The following NLRP5 variants were observed in gnomAD, a reference collection of about 807,000 sequenced individuals.
The protein encoded by NLRP5 is NLR family pyrin domain containing 5.
NLRP5 carries 93 observed loss-of-function variants against 113.1 expected under a neutral mutation model. The observed-to-expected ratio is 0.82, with a 90% CI of 0.70 to 0.98. The LOEUF is 0.98. NLRP5 is among the 50% of genes least tolerant of loss of function. The pLI, the probability that NLRP5 is intolerant of heterozygous loss-of-function variation, is 0.00. For missense variants in NLRP5, 1,808 were observed against 1,514.3 expected (o/e 1.19, Z -3.22); for synonymous variants, 751 against 600.7 (o/e 1.25, Z -3.66).
chr19:56,045,116 C>G (rs543042589), intron 11 of NLRP5, among the ~76,000 whole-genome samples: 75 of 152,242 alleles, frequency 4.9e-4, no homozygotes, highest in Non-Finnish European at 9.8e-4. Flanking sequence ...TGGAGGAGTC[C>G]TTAGAGCTTT....
Position 56,032,783 on chromosome 19 carries a change from T to C in NLRP5, c.2447+2T>C, listed in dbSNP as rs748075820. 1.1e-5 allele frequency: 17 copies of C among 1,602,820 alleles called. No individual in the cohort carries two copies. The highest frequency in any genetic ancestry group is 1.4e-5 in the Non-Finnish European group (17 of 1,174,400). On this transcript the variant is annotated splice_donor_variant, in intron 8 of 14. Transcript: ENST00000390649. LOFTEE classifies it high-confidence loss of function. Reference sequence around the variant, plus strand: ...CACCTGCAAGATACAGACCCTGATGTAAGGCTGCCCGCCCCCTACGAGAGA... The same window carrying C: ...CACCTGCAAGATACAGACCCTGATGCAAGGCTGCCCGCCCCCTACGAGAGA...
At chr19:56,040,851 TG>T in intron 10 of NLRP5, 70 bp from the exon 11 acceptor site, 1 of 1,347,228 alleles carries the variant, frequency 7.4e-7, no homozygotes, top group Non-Finnish European at 1.0e-6. Context: ...TTCCCCTCCT[TG>T]TAAAGGAGGG....
chr19:56,060,275 A>G (rs1397403435), intron 14 of NLRP5, among the ~76,000 whole-genome samples: 2 of 151,888 alleles, frequency 1.3e-5, no homozygotes, highest in Non-Finnish European at 2.9e-5. Context: ...GGGCGGTGCT[A>G]TGTATCTATT....
chr19:56,004,391 C>T (rs936211765), intron 2 of NLRP5, among the ~76,000 whole-genome samples: 2 of 152,110 alleles, frequency 1.3e-5, no homozygotes, highest in Admixed American at 1.3e-4. Context: ...TATCACGGGT[C>T]GGTTGTGAGA....
At chr19:56,016,446 C>G (rs1982406430) in intron 4 of NLRP5, among the ~76,000 whole-genome samples, 1 of 152,182 alleles carries the variant, frequency 6.6e-6, no homozygotes, top group Non-Finnish European at 1.5e-5. Flanking sequence ...AGCCACCACA[C>G]CCAGCTGTGC....
At chr19:56,022,381 G>A (rs1982647879) in intron 6 of NLRP5, among the ~76,000 whole-genome samples, 1 of 148,634 alleles carries the variant, frequency 6.7e-6, no homozygotes, top group Non-Finnish European at 1.5e-5. Context: ...ACAACATCTG[G>A]CTAATTTTCA....
At chr19:56,058,050 A>G (rs888488952) in intron 13 of NLRP5, among the ~76,000 whole-genome samples, 190 bp from the exon 14 acceptor site, 1 of 150,312 alleles carries the variant, frequency 6.7e-6, no homozygotes, top group African/African-American at 2.5e-5. Context: ...AAAAAGGCGA[A>G]TATTTGGGTC....
intron 2 of NLRP5, among the ~76,000 whole-genome samples, chr19:56,005,637 CACACA>C (rs1981875237): frequency 2.8e-5 from 4 of 145,092 alleles, no homozygotes; most frequent in Non-Finnish European, 4.5e-5. Flanking sequence ...CACACACACA[CACACA>C]CGCGCGCAGG....
chr19:56,026,527 CAAAAAAAAAAA>C lies in NLRP5; in HGVS notation c.680-374_680-364del, dbSNP rs375845864. Among the ~76,000 whole-genome samples, 14 of 40,354 alleles carry C rather than the reference CAAAAAAAAAAA, an allele frequency of 3.5e-4. 1 individual carries two copies. In the South Asian group the frequency reaches 0.029, roughly 82 times the overall value. 26.5% of individuals were successfully genotyped at this position (40,354 alleles called of 152,430 possible). ...TGGGTGACAGAGCAAGACTCCATCT[CAAAAAAAAAAA>C]AAAAAAAAAAATAGACTGGCTTCAA... On this transcript the variant is annotated intron_variant, in intron 6 of 14. Coordinates refer to ENST00000390649, the MANE Select transcript of NLRP5 (RefSeq NM_153447.4).
the NLRP5 span, among the ~76,000 whole-genome samples, chr19:55,994,449 G>A: frequency 6.6e-6 from 1 of 152,170 alleles, no homozygotes; most frequent in African/African-American, 2.4e-5. Context: ...CCAGGCTGGA[G>A]TGCAGTGGCA....
chr19:56,051,155 A>G (rs1283522280), intron 12 of NLRP5, among the ~76,000 whole-genome samples: 3 of 152,132 alleles, frequency 2.0e-5, no homozygotes, highest in African/African-American at 4.8e-5. Context: ...CATAGTAGTC[A>G]GCACTTAATG....
At chr19:56,053,554 C>G (rs757621256) in intron 12 of NLRP5, 84 bp from the exon 13 acceptor site, 78 of 1,258,982 alleles carry the variant, frequency 6.2e-5, no homozygotes, top group Admixed American at 5.9e-4. Context: ...ATAAAGGAAA[C>G]TCCAGTTAAT....
intron 11 of NLRP5, among the ~76,000 whole-genome samples, chr19:56,041,548 T>G (rs1983522759): frequency 6.6e-6 from 1 of 152,192 alleles, no homozygotes; most frequent in East Asian, 1.9e-4. Flanking sequence ...GCACCGTGAC[T>G]CGTGCCTGAC....
At chr19:56,030,347 G>C (rs1983048801) in intron 7 of NLRP5, among the ~76,000 whole-genome samples, 1 of 152,062 alleles carries the variant, frequency 6.6e-6, no homozygotes, top group Non-Finnish European at 1.5e-5. Flanking sequence ...TCCAACCTGG[G>C]TGACAGAGTG....
At chr19:55,990,450 G>A in the NLRP5 span, among the ~76,000 whole-genome samples, 1 of 152,062 alleles carries the variant, frequency 6.6e-6, no homozygotes, top group Non-Finnish European at 1.5e-5. Context: ...CAGCACTTGG[G>A]GAGGCCGAGG....
chr19:56,053,840 G>C, intron 13 of NLRP5, 32 bp downstream of exon 13: 1 of 1,604,828 alleles, frequency 6.2e-7, no homozygotes, highest in Non-Finnish European at 8.5e-7. Flanking sequence ...TTGCGGGCCG[G>C]GCTGGGAGGA....
intron 6 of NLRP5, among the ~76,000 whole-genome samples, chr19:56,022,618 C>G (rs1463600375): frequency 6.6e-6 from 1 of 152,160 alleles, no homozygotes; most frequent in Admixed American, 6.5e-5. Context: ...AAACAATGAG[C>G]TCATCATCTG....
upstream of NLRP5, among the ~76,000 whole-genome samples, chr19:55,997,134 C>G (rs1405189517): frequency 6.6e-6 from 1 of 152,124 alleles, no homozygotes; most frequent in Non-Finnish European, 1.5e-5. Flanking sequence ...TAAATATCTT[C>G]TTTTGAGAAG....
At chr19:56,023,855 T>C (rs1982710766) in intron 6 of NLRP5, among the ~76,000 whole-genome samples, 1 of 152,324 alleles carries the variant, frequency 6.6e-6, no homozygotes, top group Admixed American at 6.5e-5. Flanking sequence ...GTGGAGACTT[T>C]GCATACAGTT....
Sources: gnomAD v4.1 joint callset for allele counts (sites outside exome capture counted in the v4.1 genomes callset) on GRCh38, gnomAD v4.1.1 for gene constraint, MANE v1.5 for transcripts, NCBI Gene and HGNC (gene_info 2026-07-23, HGNC 2026-07-21) for gene names.